The following SLCO2A1 variants were observed in gnomAD, a reference collection of about 807,000 sequenced individuals.
SLCO2A1 encodes the protein matrin F/G 1.
SLCO2A1 carries 60 observed loss-of-function variants against 71.7 expected under a neutral mutation model. That is an observed-to-expected ratio of 0.84 (90% CI 0.68 to 1.04). SLCO2A1 has a LOEUF of 1.04. Among genes scored for constraint, SLCO2A1 ranks in the 50% least tolerant of loss-of-function variants. The probability of loss-of-function intolerance (pLI) is 0.00; values close to 1 mark genes in which losing one functional copy is unlikely to be tolerated. For synonymous variants in SLCO2A1, 308 were observed against 326.7 expected (o/e 0.94, Z 0.62); for missense variants, 745 against 813.4 (o/e 0.92, Z 1.02).
At chr3:133,946,810 C>T (rs764438713) in intron 9 of SLCO2A1, among the ~76,000 whole-genome samples, 1 of 152,090 alleles carries the variant, frequency 6.6e-6, no homozygotes, top group Non-Finnish European at 1.5e-5. Context: ...TAAGTTGCCA[C>T]GTGAGAGATC....
At chr3:133,974,842 C>T (rs866785579) in intron 2 of SLCO2A1, among the ~76,000 whole-genome samples, 2 of 152,200 alleles carry the variant, frequency 1.3e-5, no homozygotes, top group South Asian at 4.1e-4. Flanking sequence ...CCTTGTTACA[C>T]CCCACTTTCC....
intron 1 of SLCO2A1, among the ~76,000 whole-genome samples, chr3:134,009,243 T>C (rs1935282921): frequency 6.6e-6 from 1 of 152,220 alleles, no homozygotes; most frequent in Non-Finnish European, 1.5e-5. Context: ...ACACACAGTA[T>C]AGGTACGTGC....
At chr3:133,968,988 C>T (rs1934259957) in intron 3 of SLCO2A1, among the ~76,000 whole-genome samples, 1 of 152,144 alleles carries the variant, frequency 6.6e-6, no homozygotes, top group Non-Finnish European at 1.5e-5. Context: ...CCTTCTTTAA[C>T]TTTTTTTTCC....
At chr3:133,935,433 T>G (rs1933244836) in intron 13 of SLCO2A1, among the ~76,000 whole-genome samples, 1 of 152,110 alleles carries the variant, frequency 6.6e-6, no homozygotes, top group Admixed American at 6.5e-5. Context: ...CTGCCCCCAA[T>G]TTTTCCACAG....
At position 133,938,502 on chromosome 3, in the gene SLCO2A1, A is replaced by C. The variant is rs777546261; in HGVS notation, c.1626-9T>G. 1 of 1,613,956 alleles carries C rather than the reference A, an allele frequency of 6.2e-7. No individual in the cohort carries two copies. Among genetic ancestry groups the C allele is most frequent in the Non-Finnish European group, 8.5e-7 (1 of 1,179,870 alleles). On this transcript the variant is annotated splice_polypyrimidine_tract_variant and intron_variant, in intron 11 of 13. Coordinates refer to ENST00000310926, the MANE Select transcript of SLCO2A1 (RefSeq NM_005630.3). The stretch of plus-strand genomic sequence containing the variant: ...CCTCCTGGTTCACCACACTGAAAAG[A>C]CAGACAGGAAATCAGCAGTGGGAGG...
At chr3:134,017,118 A>G (rs1189319915) in intron 1 of SLCO2A1, among the ~76,000 whole-genome samples, 2 of 152,174 alleles carry the variant, frequency 1.3e-5, no homozygotes, top group Admixed American at 6.5e-5. Flanking sequence ...TGTATCTTGA[A>G]GTGGTGGGGC....
chr3:133,940,716 G>A (rs1321421548), intron 11 of SLCO2A1, among the ~76,000 whole-genome samples: 1 of 152,226 alleles, frequency 6.6e-6, no homozygotes, highest in Non-Finnish European at 1.5e-5. Flanking sequence ...AGGATGGGGA[G>A]CGGTAGAGAA....
intron 1 of SLCO2A1, among the ~76,000 whole-genome samples, chr3:133,986,329 T>C (rs1176317580): frequency 6.6e-6 from 1 of 152,192 alleles, no homozygotes; most frequent in Non-Finnish European, 1.5e-5. Flanking sequence ...TATTCAAGAG[T>C]CCTATTTTGA....
At chr3:134,013,542 T>G (rs189467732) in intron 1 of SLCO2A1, among the ~76,000 whole-genome samples, 2 of 152,278 alleles carry the variant, frequency 1.3e-5, no homozygotes, top group African/African-American at 2.4e-5. Flanking sequence ...TGTCCACACC[T>G]CACACACTTG....
intron 1 of SLCO2A1, among the ~76,000 whole-genome samples, chr3:133,981,372 T>G (rs558055501): frequency 1.3e-5 from 2 of 152,312 alleles, no homozygotes; most frequent in East Asian, 3.9e-4. Flanking sequence ...TCTCGGTTTG[T>G]GTGTGCTTTT....
At chr3:134,017,228 A>G (rs1935472308) in intron 1 of SLCO2A1, among the ~76,000 whole-genome samples, 2 of 152,256 alleles carry the variant, frequency 1.3e-5, no homozygotes, top group South Asian at 2.1e-4. Context: ...TACTGAAATT[A>G]TATAAGATGC....
chr3:133,947,007 C>G (rs1055186800), intron 9 of SLCO2A1, among the ~76,000 whole-genome samples: 2 of 151,944 alleles, frequency 1.3e-5, no homozygotes, highest in East Asian at 1.9e-4. Context: ...CCCAGCTACT[C>G]GAGAGGCTGA....
intron 1 of SLCO2A1, among the ~76,000 whole-genome samples, chr3:134,023,911 GCT>G (rs1935646883): frequency 6.6e-6 from 1 of 152,092 alleles, no homozygotes; most frequent in South Asian, 2.1e-4. Context: ...GTCATGCCAA[GCT>G]CTCTCTGCTA....
chr3:133,946,051 C>T (rs1343703168), intron 9 of SLCO2A1, among the ~76,000 whole-genome samples: 1 of 152,108 alleles, frequency 6.6e-6, no homozygotes, highest in Non-Finnish European at 1.5e-5. Context: ...GAGGACAAAG[C>T]CATGTGCTAA....
At chr3:133,942,581 G>T (rs1933452904) in intron 11 of SLCO2A1, 24 bp downstream of exon 11, 1 of 1,588,644 alleles carries the variant, frequency 6.3e-7, no homozygotes, top group Non-Finnish European at 8.6e-7. Context: ...CCACGCCCCA[G>T]ACTCACAGAG....
intron 4 of SLCO2A1, among the ~76,000 whole-genome samples, chr3:133,953,991 C>T (rs972683736): frequency 6.6e-6 from 1 of 152,050 alleles, no homozygotes; most frequent in African/African-American, 2.4e-5. Context: ...GACCTGCTTG[C>T]CAGGAAGGAA....
At chr3:133,954,899 G>C in intron 4 of SLCO2A1, 67 bp downstream of exon 4, 1 of 1,309,002 alleles carries the variant, frequency 7.6e-7, no homozygotes, top group Non-Finnish European at 1.1e-6. Flanking sequence ...TAGTGCCCCA[G>C]GGCCTCATCA....
rs997952463 is a variant in SLCO2A1 at position 133,948,932 on chromosome 3, C to T, written c.901G>A (p.Glu301Lys). The T allele has an allele frequency of 1.9e-6, 3 of 1,614,064 alleles. No individual in the cohort carries two copies. The highest frequency in any genetic ancestry group is 1.7e-5 in the Admixed American group (1 of 60,004). Residue 301 changes from glutamate to lysine, a missense_variant, in exon 7 of 14, where the codon GAG (glutamate) becomes AAG (lysine). Coordinates refer to ENST00000310926, the MANE Select transcript of SLCO2A1 (RefSeq NM_005630.3). ...ACCAGGGAGCCTCTTGACTTGGCCT[C>T]CTCCAACTTCCTTGCTTCATCTGCT... The part of the protein sequence containing the change: ...ATADEARKLE[E>K]AKSRGSLVDF...
At chr3:133,960,549 G>A (rs544742353) in intron 3 of SLCO2A1, among the ~76,000 whole-genome samples, 6 of 152,202 alleles carry the variant, frequency 3.9e-5, no homozygotes, top group African/African-American at 1.4e-4. Flanking sequence ...GGGACTGGGG[G>A]AGATGGGAAT....
Sources: allele counts gnomAD v4.1 joint callset (sites outside exome capture counted in the v4.1 genomes callset), GRCh38; gene constraint gnomAD v4.1.1; transcripts MANE v1.5; gene names NCBI Gene and HGNC (gene_info 2026-07-23, HGNC 2026-07-21).